The following SCIMP variants were observed in gnomAD, a reference collection of about 807,000 sequenced individuals.
The protein encoded by SCIMP is SLP adaptor and CSK interacting membrane protein, also known as SLP adapter and CSK-interacting membrane protein.
SCIMP carries 18 observed loss-of-function variants against 22.0 expected under a neutral mutation model. That is an observed-to-expected ratio of 0.82 (90% CI 0.56 to 1.21). The LOEUF is 1.21. Ranked by LOEUF, SCIMP falls within the 50% of genes most tolerant of loss-of-function variation. The pLI is 0.00. For missense variants in SCIMP, 155 were observed against 171.2 expected, an observed-to-expected ratio of 0.91 and a Z score of 0.53; for synonymous variants, 53 against 62.2, an observed-to-expected ratio of 0.85 and a Z score of 0.70.
At position 5,232,850 on chromosome 17, in the gene SCIMP, C is replaced by T. The variant is rs180729126; in HGVS notation, c.21+1885G>A. The stretch of plus-strand genomic sequence containing the variant: ...TCAGCCTCCTGAGTAGCTGGGATTA[C>T]CGACACGCACCACCATACCCGGCTA... On this transcript the variant is annotated intron_variant, in intron 1 of 4. Transcript: ENST00000574081. Among the ~76,000 whole-genome samples the T allele has an allele frequency of 2.6e-5, 4 of 152,150 alleles. No individual in the cohort carries two copies. The East Asian group carries it at 7.7e-4, about 29-fold the overall frequency.
intron 4 of SCIMP, chr17:5,213,319 G>A: frequency 8.1e-6 from 7 of 866,014 alleles, no homozygotes; most frequent in East Asian, 1.2e-4. Flanking sequence ...TGATGCTATC[G>A]TGGCTCACTG....
intron 4 of SCIMP, chr17:5,213,000 GA>G (rs998330745): frequency 6.3e-6 from 1 of 157,982 alleles, no homozygotes; most frequent in Non-Finnish European, 8.8e-6. Flanking sequence ...AGTGGACAGA[GA>G]GGGCCTCTTT....
chr17:5,226,750 C>T (rs987391367), intron 1 of SCIMP, among the ~76,000 whole-genome samples: 39 of 151,984 alleles, frequency 2.6e-4, no homozygotes, highest in Non-Finnish European at 4.9e-4. Flanking sequence ...CTCAGGTGAT[C>T]CGCCTGCCTC....
chr17:5,223,415 G>T lies in SCIMP; in HGVS notation c.63C>A (p.Ile21=), dbSNP rs763492451. Residue 21 remains isoleucine, a synonymous_variant, in exon 2 of 5, where the codon ATC becomes ATA. Transcript: ENST00000574081. ...CAACGATGATGGCCACAGCTAAGAT[G>T]ATCCAGAAATTATTCCTCCACCAGC... The part of the protein sequence containing the change: ...AMSWWRNNFW[I]ILAVAIIVVS... The T allele has an allele frequency of 6.2e-7, 1 of 1,613,548 alleles. No individual in the cohort carries two copies. Among genetic ancestry groups the T allele is most frequent in the Non-Finnish European group, 8.5e-7 (1 of 1,179,522 alleles).
intron 3 of SCIMP, among the ~76,000 whole-genome samples, chr17:5,217,089 C>G (rs1015504542): frequency 6.6e-6 from 1 of 152,058 alleles, no homozygotes; most frequent in Non-Finnish European, 1.5e-5. Context: ...TCTCACCATC[C>G]CTCTGTAGCT....
At chr17:5,233,446 C>T (rs902531361) in intron 1 of SCIMP, among the ~76,000 whole-genome samples, 2 of 152,134 alleles carry the variant, frequency 1.3e-5, no homozygotes, top group African/African-American at 4.8e-5. Flanking sequence ...AATCTTGGCT[C>T]ACTGCAACCT....
chr17:5,214,884 T>C (rs1425290993), intron 4 of SCIMP, 41 bp downstream of exon 4: 3 of 915,674 alleles, frequency 3.3e-6, no homozygotes, highest in Non-Finnish European at 5.4e-6. Context: ...AAACTCGTTA[T>C]CTTACCCTAA....
At chr17:5,220,016 G>A (rs890276300) in intron 3 of SCIMP, among the ~76,000 whole-genome samples, 12 of 152,162 alleles carry the variant, frequency 7.9e-5, no homozygotes, top group Admixed American at 3.3e-4. Context: ...GTATTCTTTC[G>A]CCATAATGTA....
At chr17:5,228,398 G>A (rs915080997) in intron 1 of SCIMP, among the ~76,000 whole-genome samples, 4 of 148,004 alleles carry the variant, frequency 2.7e-5, no homozygotes, top group African/African-American at 1.0e-4. Context: ...AATCTCAACA[G>A]TTTTGGAGGC....
intron 2 of SCIMP, among the ~76,000 whole-genome samples, chr17:5,222,875 G>A (rs1224540960): frequency 1.3e-5 from 2 of 151,984 alleles, no homozygotes. Flanking sequence ...ATTTTGGCCA[G>A]GCTAGTCTCG....
At chr17:5,215,626 T>TAAAAAAACA (rs1567838397) in intron 3 of SCIMP, among the ~76,000 whole-genome samples, 1 of 151,082 alleles carries the variant, frequency 6.6e-6, no homozygotes, top group African/African-American at 2.4e-5. Flanking sequence ...AACAAACAAA[T>TAAAAAAACA]AAAAAAACAA....
At chr17:5,234,588 C>A in intron 1 of SCIMP, 147 bp downstream of exon 1, 1 of 785,564 alleles carries the variant, frequency 1.3e-6, no homozygotes. Context: ...TCCAACCCTA[C>A]ACAGCAGTCG....
At chr17:5,232,621 G>T (rs755781427) in intron 1 of SCIMP, among the ~76,000 whole-genome samples, 7 of 152,124 alleles carry the variant, frequency 4.6e-5, no homozygotes, top group Admixed American at 4.6e-4. Context: ...CATTTAGGCC[G>T]GTTGGCATGA....
Position 5,209,926 on chromosome 17 carries a change from A to T in SCIMP, c.*875T>A, listed in dbSNP as rs931193085. ...TACTGATGAAAATGATGGACAGGGG[A>T]TATTAAGCCCCCTGAACTCTCATCT... is the stretch of plus-strand genomic sequence containing the variant. On this transcript the variant is annotated 3_prime_UTR_variant, in exon 5 of 5. Transcript: ENST00000574081. 2.0e-5 allele frequency: 3 copies of T among 152,074 alleles called. No homozygotes were observed. Among genetic ancestry groups the T allele is most frequent in the Non-Finnish European group, 2.9e-5 (2 of 68,012 alleles). 9.4% of individuals were successfully genotyped at this position (152,074 alleles called of 1,614,324 possible).
Position 5,223,438 on chromosome 17 carries a change from A to T in SCIMP, c.40T>A (p.Trp14Arg), listed in dbSNP as rs200797940. ...ATGATCCAGAAATTATTCCTCCACC[A>T]GCTCATTGCAGTGGAATCCTGAGAA... The part of the protein sequence containing the change: ...FTVQDSTAMS[W>R]WRNNFWIILA... Residue 14 changes from tryptophan (W) to arginine (R), a missense_variant, in exon 2 of 5, where the codon TGG becomes AGG. Coordinates refer to ENST00000574081, the MANE Select transcript of SCIMP (RefSeq NM_207103.3). 3 of 1,613,468 alleles carry T rather than the reference A, an allele frequency of 1.9e-6. No homozygotes were observed. The highest frequency in any genetic ancestry group is 2.5e-6 in the Non-Finnish European group (3 of 1,179,440).
chr17:5,214,636 C>A, intron 4 of SCIMP: 1 of 312,544 alleles, frequency 3.2e-6, no homozygotes, highest in East Asian at 5.4e-5. Flanking sequence ...GTCAGGAGAT[C>A]GAGACCATCC....
rs199573317 is a variant in SCIMP, at chr17:5,214,965, C to T, written c.243G>A (p.Pro81=). The T allele has an allele frequency of 3.0e-5, 49 of 1,609,820 alleles. No individual in the cohort carries two copies. The highest frequency in any genetic ancestry group is 2.2e-4 in the East Asian group (10 of 44,802). The change falls in exon 4 of 5, where the codon CCG becomes CCA. Residue 81 remains proline (P), a synonymous_variant. Transcript: ENST00000574081. ...AAGGCCAATTCCTCGGTGGCAGAGG[C>T]GGTAATTGAACTGGCGACTCATTAA... ...NVLNESPVQL[P]PLPPRNWPSL... is the part of the protein sequence containing the mutation.
intron 3 of SCIMP, among the ~76,000 whole-genome samples, chr17:5,220,506 A>G (rs2074598744): frequency 6.6e-6 from 1 of 151,742 alleles, no homozygotes; most frequent in South Asian, 2.1e-4. Flanking sequence ...TGGGAGGCCA[A>G]GGCGGGTGGA....
At chr17:5,231,862 G>A (rs2074697752) in intron 1 of SCIMP, among the ~76,000 whole-genome samples, 1 of 152,196 alleles carries the variant, frequency 6.6e-6, no homozygotes, top group Non-Finnish European at 1.5e-5. Flanking sequence ...AGACCATCCT[G>A]GCTAACACAA....
Sources: gnomAD v4.1 joint callset for allele counts (sites outside exome capture counted in the v4.1 genomes callset) on GRCh38, gnomAD v4.1.1 for gene constraint, MANE v1.5 for transcripts, NCBI Gene and HGNC (gene_info 2026-07-23, HGNC 2026-07-21) for gene names.